The following IQGAP2 variants were observed in gnomAD, a reference collection of about 807,000 sequenced individuals.
The protein encoded by IQGAP2 is ras GTPase-activating-like protein IQGAP2.
A neutral mutation model predicts 201.3 loss-of-function variants in IQGAP2; 173 were observed. The observed-to-expected ratio is 0.86, with a 90% CI of 0.76 to 0.98. IQGAP2 has a LOEUF of 0.98. Among genes scored for constraint, IQGAP2 ranks in the 50% least tolerant of loss-of-function variants. The probability of loss-of-function intolerance (pLI) is 0.00; values close to 1 mark genes in which losing one functional copy is unlikely to be tolerated. For synonymous variants in IQGAP2, 675 were observed against 673.9 expected (o/e 1.00, Z -0.03); for missense variants, 1,687 against 1,864.8 (o/e 0.90, Z 1.76).
chr5:76,652,733 C>A lies in IQGAP2; in HGVS notation c.2095-17C>A, dbSNP rs372541450. ...AACTTGCTGGTAAATAATTCTATAACCCACTCTTTTCCTTAGGCTTTTTGG... is the reference window on the plus strand; with the variant it reads ...AACTTGCTGGTAAATAATTCTATAAACCACTCTTTTCCTTAGGCTTTTTGG... On this transcript the variant is annotated splice_polypyrimidine_tract_variant and intron_variant, in intron 17 of 35. Coordinates refer to ENST00000274364, the MANE Select transcript of IQGAP2 (RefSeq NM_006633.5). The A allele has an allele frequency of 2.6e-6, 4 of 1,558,978 alleles. No individual in the cohort carries two copies. The highest frequency in any genetic ancestry group is 3.3e-4 in the Middle Eastern group (2 of 5,978).
Position 76,592,900 on chromosome 5 carries a change from C to G in IQGAP2, c.882C>G (p.Ile294Met). The G allele has an allele frequency of 6.2e-7, 1 of 1,610,488 alleles. No individual in the cohort carries two copies. The change falls in exon 9 of 36, where the codon ATC (isoleucine) becomes ATG (methionine). Residue 294 changes from isoleucine (I) to methionine (M), a missense_variant. Physicochemically the swap from Ile to Met is conservative, Grantham distance 10 (BLOSUM62 1). Coordinates refer to ENST00000274364, the MANE Select transcript of IQGAP2 (RefSeq NM_006633.5). ...AAGAACTGCTGACACAAGCAGAAAT[C>G]CAAGGCAATATTAATAAAGTCAACA... ...AYEELLTQAE[I>M]QGNINKVNRQ...
chr5:76,490,284 A>G (rs1756460994), intron 2 of IQGAP2, among the ~76,000 whole-genome samples: 1 of 152,170 alleles, frequency 6.6e-6, no homozygotes, highest in Non-Finnish European at 1.5e-5. Context: ...TGCATATCTA[A>G]CAATATGCAG....
At chr5:76,580,026 A>G (rs1745731074) in intron 5 of IQGAP2, among the ~76,000 whole-genome samples, 1 of 152,200 alleles carries the variant, frequency 6.6e-6, no homozygotes, top group Non-Finnish European at 1.5e-5. Flanking sequence ...CTGTAATCCC[A>G]GCACTTTGGG....
chr5:76,538,023 A>T (rs775650157), intron 2 of IQGAP2, among the ~76,000 whole-genome samples: 3 of 152,178 alleles, frequency 2.0e-5, no homozygotes, highest in Non-Finnish European at 4.4e-5. Flanking sequence ...GCTAATAAAG[A>T]TATACCTGAG....
chr5:76,691,288 AC>A (rs1018546864), intron 30 of IQGAP2, among the ~76,000 whole-genome samples: 2 of 152,158 alleles, frequency 1.3e-5, no homozygotes, highest in African/African-American at 4.8e-5. Flanking sequence ...GAGCAAATAA[AC>A]ATTCTTTGTC....
At chr5:76,432,046 T>A (rs7731045) in intron 1 of IQGAP2, among the ~76,000 whole-genome samples, 1 of 150,338 alleles carries the variant, frequency 6.7e-6, no homozygotes, top group Admixed American at 6.6e-5. Flanking sequence ...TAGTTAATTA[T>A]AGATAATAAT....
In IQGAP2 at chr5:76,592,829, G is replaced by A. The variant is rs1746753703; in HGVS notation, c.820-9G>A. ...AACCTCAGAAATCAGTGAAGACTTT[G>A]TTTTGCAGAATAGCTGTATTTCAGA... On this transcript the variant is annotated splice_polypyrimidine_tract_variant and intron_variant, in intron 8 of 35. Coordinates refer to ENST00000274364, the MANE Select transcript of IQGAP2 (RefSeq NM_006633.5). 1 of 1,575,690 alleles carries A rather than the reference G, an allele frequency of 6.3e-7. No homozygotes were observed. Among genetic ancestry groups the A allele is most frequent in the African/African-American group, 1.3e-5 (1 of 74,098 alleles).
intron 4 of IQGAP2, among the ~76,000 whole-genome samples, chr5:76,572,800 A>G (rs1430233057): frequency 6.6e-6 from 1 of 152,182 alleles, no homozygotes; most frequent in Non-Finnish European, 1.5e-5. Flanking sequence ...AGGATAAGCT[A>G]CTGGCTTATG....
intron 22 of IQGAP2, among the ~76,000 whole-genome samples, chr5:76,668,432 A>G (rs774247505): frequency 1.5e-4 from 23 of 151,594 alleles, no homozygotes; most frequent in Non-Finnish European, 3.1e-4. Flanking sequence ...AATATATGAT[A>G]GGAAGCTAAA....
intron 15 of IQGAP2, among the ~76,000 whole-genome samples, chr5:76,633,859 T>C (rs1750901127): frequency 6.6e-6 from 1 of 152,146 alleles, no homozygotes; most frequent in East Asian, 1.9e-4. Context: ...CATTAGTCAG[T>C]TCGTCCTTTT....
At chr5:76,510,543 C>G (rs1757899219) in intron 2 of IQGAP2, 1 of 431,242 alleles carries the variant, frequency 2.3e-6, no homozygotes, top group African/African-American at 2.0e-5. Context: ...GTGCTGGACC[C>G]CGCCAAGGTA....
At chr5:76,533,267 T>C (rs1010070018) in intron 2 of IQGAP2, among the ~76,000 whole-genome samples, 12 of 152,098 alleles carry the variant, frequency 7.9e-5, no homozygotes, top group Admixed American at 5.9e-4. Context: ...TACTAGAAAC[T>C]TACTTGTGGA....
rs1750646682 is a variant in IQGAP2, at chr5:76,403,820, A to G, written c.46+229A>G. On this transcript the variant is annotated intron_variant, in intron 1 of 35. Transcript: ENST00000274364. The surrounding 1 kb of genome is among the most constrained non-coding windows in gnomAD (Gnocchi z 4.8). ...ATCCAGCTGGCAACCCAGACCCTCC[A>G]CTCCGCATACCCAAACGGGGTGCGC... is the stretch of plus-strand genomic sequence containing the variant. 6.6e-6 allele frequency among the ~76,000 whole-genome samples: 1 copy of G among 151,400 alleles called. No individual in the cohort carries two copies. Among genetic ancestry groups the G allele is most frequent in the South Asian group, 2.1e-4 (1 of 4,800 alleles).
chr5:76,508,851 C>G (rs915659872), intron 2 of IQGAP2, among the ~76,000 whole-genome samples: 2 of 152,076 alleles, frequency 1.3e-5, no homozygotes, highest in African/African-American at 4.8e-5. Context: ...ACCATGCGGT[C>G]CCTTTTTTCT....
chr5:76,531,291 G>C (rs1759274540), intron 2 of IQGAP2, among the ~76,000 whole-genome samples: 1 of 152,022 alleles, frequency 6.6e-6, no homozygotes, highest in Admixed American at 6.6e-5. Flanking sequence ...TTAGAGACAG[G>C]GTCTCTGCTC....
At chr5:76,455,453 CAAAA>C (rs59978990) in intron 1 of IQGAP2, among the ~76,000 whole-genome samples, 3 of 81,204 alleles carry the variant, frequency 3.7e-5, no homozygotes, top group Non-Finnish European at 7.2e-5. Flanking sequence ...GACTCTGTCT[CAAAA>C]AAAAAAAAAA....
chr5:76,579,718 G>C (rs1438449715), intron 5 of IQGAP2, among the ~76,000 whole-genome samples: 1 of 151,906 alleles, frequency 6.6e-6, no homozygotes, highest in Non-Finnish European at 1.5e-5. Context: ...GGGAGACAAG[G>C]GATTGACTGT....
chr5:76,643,366 A>G (rs2909886), intron 17 of IQGAP2, among the ~76,000 whole-genome samples: 93,983 of 152,002 alleles, frequency 0.62, 29,212 homozygotes, highest in South Asian at 0.78. Context: ...TCCACAAAAG[A>G]TGAGAGAAAG....
chr5:76,694,746 C>G (rs977834623), intron 31 of IQGAP2, among the ~76,000 whole-genome samples: 11 of 152,206 alleles, frequency 7.2e-5, no homozygotes, highest in African/African-American at 2.2e-4. Context: ...AACTAATAGT[C>G]GTTTCCTTAG....
Sources: allele counts gnomAD v4.1 joint callset (sites outside exome capture counted in the v4.1 genomes callset), GRCh38; gene constraint gnomAD v4.1.1; non-coding constraint Gnocchi (gnomAD v3.1); transcripts MANE v1.5; gene names NCBI Gene and HGNC (gene_info 2026-07-23, HGNC 2026-07-21).